FRMD4A: variants seen among roughly 807,000 people sequenced by gnomAD.
FRMD4A encodes FERM domain containing 4A, also known as FERM domain-containing protein 4A.
FRMD4A carries 29 observed loss-of-function variants against 129.1 expected under a neutral mutation model. That is an observed-to-expected ratio of 0.22 (90% CI 0.17 to 0.31). The LOEUF (loss-of-function observed/expected upper bound fraction) is 0.31. Ranked by LOEUF, FRMD4A falls within the 10% of genes least tolerant of loss-of-function variation. The probability of loss-of-function intolerance (pLI) is 1.00; values close to 1 mark genes in which losing one functional copy is unlikely to be tolerated. For missense variants in FRMD4A, 1,272 were observed against 1,375.8 expected (o/e 0.92, Z 1.19); for synonymous variants, 634 against 571.6 (o/e 1.11, Z -1.56).
At chr10:13,898,886 T>C (rs147786778) in intron 2 of FRMD4A, among the ~76,000 whole-genome samples, 116 of 152,194 alleles carry the variant, frequency 7.6e-4, no homozygotes, top group African/African-American at 2.5e-3. Flanking sequence ...TTCTCACCTT[T>C]AAAATGAGCC....
intron 2 of FRMD4A, 152 bp downstream of exon 2, chr10:14,329,906 C>T (rs916829508): frequency 2.8e-6 from 2 of 717,904 alleles, no homozygotes; most frequent in East Asian, 5.5e-5. Context: ...TGCTGATACT[C>T]TGACCCAAGA....
chr10:14,126,007 C>T (rs548531171), intron 2 of FRMD4A, among the ~76,000 whole-genome samples: 1 of 152,272 alleles, frequency 6.6e-6, no homozygotes, highest in East Asian at 1.9e-4. Context: ...GAAAGACTTG[C>T]CTGGATGAAT....
rs542828034 is a variant in FRMD4A, at chr10:14,106,251, G to T, written c.45+223807C>A. Among the ~76,000 whole-genome samples the T allele has an allele frequency of 2.0e-5, 3 of 152,064 alleles. No individual in the cohort carries two copies. The East Asian group carries it at 5.8e-4, about 29-fold the overall frequency. On this transcript the variant is annotated intron_variant, in intron 2 of 24. Transcript: ENST00000357447. ...TCCATTACAGTTTTATCCTAATTTG[G>T]GATCAAATTGTCTGACCCCAGGAAT...
chr10:13,934,195 GT>G (rs777855566), intron 2 of FRMD4A, among the ~76,000 whole-genome samples: 4 of 152,214 alleles, frequency 2.6e-5, no homozygotes, highest in Non-Finnish European at 4.4e-5. Flanking sequence ...AAAGTGCTTT[GT>G]TTTAGAGACA....
chr10:14,055,424 T>C (rs77635701), intron 2 of FRMD4A, among the ~76,000 whole-genome samples: 7,585 of 150,826 alleles, frequency 0.05, 320 homozygotes, highest in East Asian at 0.13. Flanking sequence ...ACTCTATCCC[T>C]ATGCTGATCT....
intron 2 of FRMD4A, among the ~76,000 whole-genome samples, chr10:14,031,597 G>A (rs1422409904): frequency 1.3e-5 from 2 of 152,158 alleles, no homozygotes; most frequent in African/African-American, 4.8e-5. Flanking sequence ...ATCTGTAACA[G>A]ACACACAGGA....
At chr10:13,998,169 T>G (rs985480784) in intron 2 of FRMD4A, among the ~76,000 whole-genome samples, 2 of 152,134 alleles carry the variant, frequency 1.3e-5, no homozygotes, top group Non-Finnish European at 2.9e-5. Context: ...CCACACACAT[T>G]CCCCAGATGT....
intron 2 of FRMD4A, among the ~76,000 whole-genome samples, chr10:14,263,227 G>T (rs1253006413): frequency 6.6e-6 from 1 of 152,172 alleles, no homozygotes; most frequent in African/African-American, 2.4e-5. Context: ...GCCCAGCTTG[G>T]TTCCCTCCCC....
intron 2 of FRMD4A, among the ~76,000 whole-genome samples, chr10:14,288,231 A>G (rs574164865): frequency 3.9e-5 from 6 of 152,334 alleles, no homozygotes; most frequent in Admixed American, 3.9e-4. Flanking sequence ...GAACTTCCCA[A>G]CAGTAAAGTA....
intron 3 of FRMD4A, among the ~76,000 whole-genome samples, chr10:13,837,634 A>G (rs564132951): frequency 2.6e-5 from 4 of 152,316 alleles, no homozygotes; most frequent in South Asian, 4.1e-4. Context: ...CTCAAGGTCC[A>G]TCTCATCTCT....
At chr10:13,715,496 G>GT (rs1227617150) in intron 12 of FRMD4A, among the ~76,000 whole-genome samples, 2 of 152,162 alleles carry the variant, frequency 1.3e-5, no homozygotes, top group African/African-American at 4.8e-5. Flanking sequence ...TTGTGCCTTA[G>GT]TTTTTTCATC....
At chr10:13,886,024 G>A (rs1486204672) in intron 2 of FRMD4A, among the ~76,000 whole-genome samples, 4 of 152,134 alleles carry the variant, frequency 2.6e-5, no homozygotes, top group African/African-American at 9.7e-5. Flanking sequence ...GCTATTGGTA[G>A]GTATGTCGTC....
intron 5 of FRMD4A, among the ~76,000 whole-genome samples, chr10:13,788,035 G>A (rs1304870765): frequency 6.6e-6 from 1 of 152,178 alleles, no homozygotes; most frequent in African/African-American, 2.4e-5. Context: ...AATAAATGAA[G>A]GCTATGTCTC....
At chr10:13,702,787 G>T (rs1339256982) in intron 13 of FRMD4A, among the ~76,000 whole-genome samples, 2 of 151,858 alleles carry the variant, frequency 1.3e-5, no homozygotes, top group African/African-American at 4.8e-5. Flanking sequence ...GGCGGGGGTC[G>T]GGGGTGCTAA....
intron 15 of FRMD4A, chr10:13,684,584 G>A (rs1004808779): frequency 5.1e-6 from 5 of 985,290 alleles, no homozygotes; most frequent in African/African-American, 1.7e-5. Flanking sequence ...TCATTCAGCC[G>A]CGAGCCAGAA....
chr10:14,261,698 G>A (rs998015527), intron 2 of FRMD4A, among the ~76,000 whole-genome samples: 2 of 152,220 alleles, frequency 1.3e-5, no homozygotes, highest in African/African-American at 4.8e-5. Flanking sequence ...CTCTGCCTGT[G>A]GTTAGTTATG....
chr10:14,285,459 C>T (rs1324364062), intron 2 of FRMD4A, among the ~76,000 whole-genome samples: 1 of 152,220 alleles, frequency 6.6e-6, no homozygotes, highest in African/African-American at 2.4e-5. Flanking sequence ...TGGAGTTTTA[C>T]AAGATTTCAC....
chr10:13,676,901 T>C (rs953738927), intron 15 of FRMD4A, among the ~76,000 whole-genome samples: 3 of 152,150 alleles, frequency 2.0e-5, no homozygotes, highest in African/African-American at 4.8e-5. Flanking sequence ...TCTATTTCCA[T>C]AGGAAACAAT....
intron 8 of FRMD4A, among the ~76,000 whole-genome samples, chr10:13,754,344 G>A (rs747366299): frequency 4.0e-5 from 6 of 151,430 alleles, no homozygotes; most frequent in Non-Finnish European, 8.8e-5. Flanking sequence ...TTGAAAATGT[G>A]AATTACACAC....
Sources: allele counts gnomAD v4.1 joint callset (sites outside exome capture counted in the v4.1 genomes callset), GRCh38; gene constraint gnomAD v4.1.1; transcripts MANE v1.5; gene names NCBI Gene and HGNC (gene_info 2026-07-23, HGNC 2026-07-21).